FBN2: variants seen among roughly 807,000 people sequenced by gnomAD.
FBN2 encodes the protein fibrillin-2.
Under a neutral mutation model 355.6 loss-of-function variants are expected in FBN2, and 105 were observed. That is an observed-to-expected ratio of 0.30 (90% CI 0.25 to 0.35). The LOEUF is 0.35. FBN2 is among the 10% of genes least tolerant of loss of function. FBN2 has a pLI of 1.00. For missense variants in FBN2, 3,280 were observed against 3,758.7 expected, an observed-to-expected ratio of 0.87 and a Z score of 3.33; for synonymous variants, 1,350 against 1,301.2, an observed-to-expected ratio of 1.04 and a Z score of -0.81.
intron 5 of FBN2, among the ~76,000 whole-genome samples, chr5:128,501,440 T>C (rs1158811115): frequency 1.3e-5 from 2 of 152,166 alleles, no homozygotes; most frequent in East Asian, 3.9e-4. Flanking sequence ...AATTCATCTA[T>C]ACCAAATTAA....
At chr5:128,394,271 A>C (rs993557990) in intron 9 of FBN2, among the ~76,000 whole-genome samples, 2 of 152,198 alleles carry the variant, frequency 1.3e-5, no homozygotes, top group African/African-American at 4.8e-5. Context: ...TTTATGTGAG[A>C]AACATTAATT....
At chr5:128,403,252 T>C (rs1237175718) in intron 8 of FBN2, among the ~76,000 whole-genome samples, 1 of 152,222 alleles carries the variant, frequency 6.6e-6, no homozygotes, top group Admixed American at 6.5e-5. Context: ...ATATTGGTAT[T>C]ATATTTTTTC....
intron 18 of FBN2, among the ~76,000 whole-genome samples, chr5:128,363,818 A>G (rs942539272): frequency 2.0e-5 from 3 of 152,220 alleles, no homozygotes; most frequent in African/African-American, 7.2e-5. Context: ...TAATATAAAT[A>G]TAGCTTTTAC....
chr5:128,302,780 T>C (rs1015067815), intron 46 of FBN2, among the ~76,000 whole-genome samples, 193 bp downstream of exon 46: 2 of 152,210 alleles, frequency 1.3e-5, no homozygotes, highest in Non-Finnish European at 2.9e-5. Context: ...CAAGAGTATA[T>C]TGTCTTGTGA....
intron 19 of FBN2, among the ~76,000 whole-genome samples, chr5:128,361,150 CAAA>C (rs762993475): frequency 6.6e-6 from 1 of 152,112 alleles, no homozygotes; most frequent in Non-Finnish European, 1.5e-5. Context: ...TAGAAGAAAA[CAAA>C]GAAGCTTTTA....
Position 128,305,936 on chromosome 5 carries a change from C to T in FBN2, c.5435G>A (p.Cys1812Tyr). The stretch of plus-strand genomic sequence containing the variant: ...TGCACAAATGCCTGGAATCTCTTTA[C>T]ATTCATCAATGTCTGAAATGGAACA... ...HTGKAVDIDECKEIPGICANG... is the reference protein window; with the variant it reads ...HTGKAVDIDEYKEIPGICANG... Residue 1812 changes from cysteine (C) to tyrosine (Y), a missense_variant, in exon 43 of 65, where the codon TGT becomes TAT. Around this residue, in one of 6 missense-constraint regions of FBN2, gnomAD observed 2,284 missense variants for 2,749.5 expected, o/e 0.83. Coordinates refer to ENST00000262464, the MANE Select transcript of FBN2 (RefSeq NM_001999.4). 5 of 1,613,714 alleles carry T rather than the reference C, an allele frequency of 3.1e-6. No homozygotes were observed. The highest frequency in any genetic ancestry group is 4.2e-6 in the Non-Finnish European group (5 of 1,179,680).
In FBN2 at chr5:128,347,327, C is replaced by T. The variant is rs544710272; in HGVS notation, c.2990-1743G>A. ...CTGAGACCTCTATGGATGTTTATAT[C>T]GGCAATTAAAAGTCAGCACACTACT... On this transcript the variant is annotated intron_variant, in intron 23 of 64. Coordinates refer to ENST00000262464, the MANE Select transcript of FBN2 (RefSeq NM_001999.4). Among the ~76,000 whole-genome samples the T allele has an allele frequency of 5.9e-5, 9 of 152,278 alleles. No homozygotes were observed. The East Asian group carries it at 1.5e-3, about 26-fold the overall frequency.
At chr5:128,304,428 G>A (rs1017992007) in intron 45 of FBN2, among the ~76,000 whole-genome samples, 2 of 152,174 alleles carry the variant, frequency 1.3e-5, no homozygotes, top group Non-Finnish European at 1.5e-5. Context: ...TTTTTAAAGA[G>A]TTTGGCTATA....
In FBN2 at chr5:128,464,930, T is replaced by C. The variant is rs56025995; in HGVS notation, c.629-9A>G. Reference sequence around the variant, plus strand: ...CGGGCCTGTCCTGTAATCTGGAATGTGGGAGAAGAAAGAAAGACAGGTTTT... The same window carrying C: ...CGGGCCTGTCCTGTAATCTGGAATGCGGGAGAAGAAAGAAAGACAGGTTTT... On this transcript the variant is annotated splice_polypyrimidine_tract_variant and intron_variant, in intron 5 of 64. Transcript: ENST00000262464. The C allele has an allele frequency of 5.1e-3, 8,210 of 1,613,962 alleles. 619 individuals carry two copies. The Admixed American group carries it at 0.12, about 23-fold the overall frequency.
chr5:128,442,417 T>G (rs770026616), intron 7 of FBN2: 1 of 455,256 alleles, frequency 2.2e-6, no homozygotes. Context: ...AGAAAAACGC[T>G]GAGCTGTCTT....
chr5:128,376,457 T>C (rs1752079993), intron 14 of FBN2, among the ~76,000 whole-genome samples: 2 of 152,178 alleles, frequency 1.3e-5, no homozygotes, highest in African/African-American at 4.8e-5. Flanking sequence ...AGAGAAATTA[T>C]TTCTACGTTG....
intron 18 of FBN2, among the ~76,000 whole-genome samples, chr5:128,363,052 A>G (rs1751678242): frequency 6.6e-6 from 1 of 152,168 alleles, no homozygotes; most frequent in South Asian, 2.1e-4. Flanking sequence ...TTGATACTTT[A>G]AAAATTAACA....
chr5:128,475,499 G>A (rs1026389387), intron 5 of FBN2, among the ~76,000 whole-genome samples: 5 of 151,930 alleles, frequency 3.3e-5, no homozygotes, highest in East Asian at 3.9e-4. Context: ...CCTAGAAACT[G>A]GAATGTAAGT....
chr5:128,273,040 A>C (rs573219025), intron 61 of FBN2, among the ~76,000 whole-genome samples: 1 of 152,342 alleles, frequency 6.6e-6, no homozygotes, highest in South Asian at 2.1e-4. Context: ...ATTTCTAGAA[A>C]TCCAAATCAT....
chr5:128,509,682 A>G (rs1017502954), intron 5 of FBN2, among the ~76,000 whole-genome samples: 3 of 151,918 alleles, frequency 2.0e-5, no homozygotes, highest in African/African-American at 7.3e-5. Context: ...AGTGCTTAAT[A>G]TTTTTGTATT....
chr5:128,334,728 C>G lies in FBN2; in HGVS notation c.4090G>C (p.Gly1364Arg), dbSNP rs1750789808. ...CAAGCTTGAAACCTACCTGTACATC[C>G]TGTGGTCCCCTTCTTCACTGAGTAA... Reference protein sequence around the residue: ...LGYSVKKGTTGCTDVDECEIG... With the variant: ...LGYSVKKGTTRCTDVDECEIG... Residue 1364 changes from glycine to arginine, a missense_variant, in exon 31 of 65, where the codon GGA becomes CGA. Gly to Arg is a moderately radical substitution (Grantham distance 125). Transcript: ENST00000262464. 2.5e-6 allele frequency: 4 copies of G among 1,614,172 alleles called. No homozygotes were observed. The East Asian group carries it at 8.9e-5, about 36-fold the overall frequency.
intron 14 of FBN2, 37 bp downstream of exon 14, chr5:128,376,694 A>C (rs1752085549): frequency 6.2e-7 from 1 of 1,612,442 alleles, no homozygotes; most frequent in South Asian, 1.1e-5. Flanking sequence ...AGGTGGTTTC[A>C]ATCATGGTCA....
intron 15 of FBN2, among the ~76,000 whole-genome samples, chr5:128,370,425 A>G (rs1399835951): frequency 6.6e-6 from 1 of 152,136 alleles, no homozygotes; most frequent in Non-Finnish European, 1.5e-5. Context: ...TAAAACAGTG[A>G]TTTATGGCTG....
chr5:128,331,315 CAATT>C (rs1239199182), intron 32 of FBN2, among the ~76,000 whole-genome samples: 1 of 152,072 alleles, frequency 6.6e-6, no homozygotes, highest in Non-Finnish European at 1.5e-5. Context: ...GGATGAGAAA[CAATT>C]AACTTGCTGA....
Sources: gnomAD v4.1 joint callset for allele counts (sites outside exome capture counted in the v4.1 genomes callset) on GRCh38, gnomAD v4.1.1 for gene constraint, gnomAD v4.1.1 regional missense constraint, MANE v1.5 for transcripts, NCBI Gene and HGNC (gene_info 2026-07-23, HGNC 2026-07-21) for gene names.